The following CDH13 variants were observed in gnomAD, a reference collection of about 807,000 sequenced individuals.
CDH13 encodes cadherin-13.
Under a neutral mutation model 63.8 loss-of-function variants are expected in CDH13, and 24 were observed. The ratio of observed to expected loss-of-function variants is 0.38; its 90% CI spans 0.27 to 0.53. The LOEUF (loss-of-function observed/expected upper bound fraction) is 0.53. CDH13 is among the 20% of genes least tolerant of loss of function. The pLI, the probability that CDH13 is intolerant of heterozygous loss-of-function variation, is 0.85. For synonymous variants in CDH13, 503 were observed against 355.3 expected, an observed-to-expected ratio of 1.42 and a Z score of -4.67; for missense variants, 1,049 against 903.1, an observed-to-expected ratio of 1.16 and a Z score of -2.07.
intron 6 of CDH13, among the ~76,000 whole-genome samples, chr16:83,388,618 A>T (rs2091725525): frequency 6.6e-6 from 1 of 152,118 alleles, no homozygotes; most frequent in South Asian, 2.1e-4. Flanking sequence ...CATGATGCTG[A>T]TTTACCAATC....
intron 5 of CDH13, among the ~76,000 whole-genome samples, chr16:83,270,876 T>TTCCC (rs758786598): frequency 3.3e-5 from 5 of 151,266 alleles, no homozygotes; most frequent in East Asian, 2.0e-4. Flanking sequence ...CTTTCCTGCC[T>TTCCC]TCCCTCCCTC....
At chr16:83,566,688 T>C (rs575847438) in intron 7 of CDH13, among the ~76,000 whole-genome samples, 1 of 152,294 alleles carries the variant, frequency 6.6e-6, no homozygotes, top group South Asian at 2.1e-4. Context: ...GGCAAAGCCC[T>C]GCTCTCCAGC....
At chr16:83,291,057 A>G (rs765015293) in intron 5 of CDH13, among the ~76,000 whole-genome samples, 15 of 152,126 alleles carry the variant, frequency 9.9e-5, no homozygotes, top group Non-Finnish European at 1.5e-4. Flanking sequence ...ATGGTATTTG[A>G]CAGTACAGGT....
rs999893403 is a variant in CDH13 at position 83,130,013 on chromosome 16, C to G, written c.483+4512C>G. Among the ~76,000 whole-genome samples, 5 of 152,194 alleles carry G rather than the reference C, an allele frequency of 3.3e-5. No homozygotes were observed. The South Asian group carries it at 1.0e-3, about 31-fold the overall frequency. ...TCCTGCATCCCAGGAGGGAAAACCT[C>G]TGAAATTCAACCTAATTCATATCAA... On this transcript the variant is annotated intron_variant, in intron 4 of 13. Transcript: ENST00000567109.
intron 9 of CDH13, among the ~76,000 whole-genome samples, chr16:83,672,572 A>G (rs889737609): frequency 2.0e-5 from 3 of 151,322 alleles, no homozygotes; most frequent in African/African-American, 7.3e-5. Context: ...TTACAGGTGC[A>G]TGCCACCACA....
chr16:83,055,306 A>G (rs1411321376), intron 3 of CDH13, among the ~76,000 whole-genome samples: 1 of 152,072 alleles, frequency 6.6e-6, no homozygotes, highest in East Asian at 1.9e-4. Context: ...GTAGACATGC[A>G]AGAGGATAAG....
chr16:83,267,388 G>A (rs1907752295), intron 5 of CDH13, among the ~76,000 whole-genome samples: 1 of 152,152 alleles, frequency 6.6e-6, no homozygotes, highest in African/African-American at 2.4e-5. Flanking sequence ...ACAGCTACCA[G>A]TGTCAGAGGC....
intron 8 of CDH13, among the ~76,000 whole-genome samples, chr16:83,648,772 A>T (rs1295217271): frequency 6.6e-6 from 1 of 151,208 alleles, no homozygotes; most frequent in African/African-American, 2.4e-5. Flanking sequence ...CCCTCTCCCC[A>T]TCTCTGTCTC....
At chr16:83,505,037 TAGTC>T (rs1198945668) in intron 7 of CDH13, among the ~76,000 whole-genome samples, 4 of 152,172 alleles carry the variant, frequency 2.6e-5, no homozygotes, top group South Asian at 2.1e-4. Context: ...TGCCTCATCA[TAGTC>T]AGCCAGCTGT....
intron 4 of CDH13, among the ~76,000 whole-genome samples, chr16:83,210,211 C>G (rs1363786136): frequency 6.6e-6 from 1 of 151,944 alleles, no homozygotes. Flanking sequence ...ACTATAGGCG[C>G]CTGCCACCAC....
chr16:83,408,993 G>A (rs1276629153), intron 6 of CDH13, among the ~76,000 whole-genome samples: 1 of 152,156 alleles, frequency 6.6e-6, no homozygotes, highest in Non-Finnish European at 1.5e-5. Context: ...TGACGTGGCT[G>A]AATCAGAGTG....
chr16:83,612,849 T>C, intron 8 of CDH13, among the ~76,000 whole-genome samples: 1 of 152,192 alleles, frequency 6.6e-6, no homozygotes, highest in East Asian at 1.9e-4. Flanking sequence ...TATGTTTTAA[T>C]TCTGTATCAG....
chr16:83,184,146 T>TAA (rs545692184), intron 4 of CDH13, among the ~76,000 whole-genome samples: 9,815 of 123,236 alleles, frequency 0.08, 696 homozygotes, highest in African/African-American at 0.17. Flanking sequence ...ACACAACTAG[T>TAA]AAAAAAAAAA....
At chr16:82,967,346 A>G (rs979025514) in intron 2 of CDH13, among the ~76,000 whole-genome samples, 6 of 152,084 alleles carry the variant, frequency 3.9e-5, no homozygotes, top group African/African-American at 7.2e-5. Context: ...CTTGAATTGT[A>G]TAACAAATTC....
At chr16:83,360,085 C>T (rs1296829075) in intron 6 of CDH13, among the ~76,000 whole-genome samples, 1 of 152,196 alleles carries the variant, frequency 6.6e-6, no homozygotes, top group Non-Finnish European at 1.5e-5. Context: ...AGGTTTCATC[C>T]ATGTTCTGTG....
chr16:83,253,542 G>C (rs888932265), intron 5 of CDH13, among the ~76,000 whole-genome samples: 8 of 152,208 alleles, frequency 5.3e-5, no homozygotes, highest in Non-Finnish European at 1.0e-4. Flanking sequence ...AAAGCTGGCT[G>C]AGCTGAGGGA....
chr16:83,034,225 C>CACTGCAATGCTTCTGGAACCT (rs1349892609), intron 3 of CDH13, among the ~76,000 whole-genome samples: 4 of 152,138 alleles, frequency 2.6e-5, no homozygotes, highest in Non-Finnish European at 4.4e-5. Flanking sequence ...GTATCCTTCT[C>CACTGCAATGCTTCTGGAACCT]ACTGCAATGC....
chr16:83,771,428 G>C (rs1282066554), intron 11 of CDH13, among the ~76,000 whole-genome samples: 1 of 152,164 alleles, frequency 6.6e-6, no homozygotes. Flanking sequence ...AATGTGCTGA[G>C]GCTCTTACAA....
chr16:83,741,901 C>T (rs560453411), intron 10 of CDH13, among the ~76,000 whole-genome samples: 2 of 152,308 alleles, frequency 1.3e-5, no homozygotes, highest in East Asian at 1.9e-4. Context: ...AGGCGGCACA[C>T]TCCTTATGAG....
Sources: allele counts gnomAD v4.1 joint callset (sites outside exome capture counted in the v4.1 genomes callset), GRCh38; gene constraint gnomAD v4.1.1; transcripts MANE v1.5; gene names NCBI Gene and HGNC (gene_info 2026-07-23, HGNC 2026-07-21).